MYO7A: variants seen among roughly 807,000 people sequenced by gnomAD.
MYO7A encodes myosin VIIA, also known as unconventional myosin-VIIa.
Under a neutral mutation model 263.8 loss-of-function variants are expected in MYO7A, and 210 were observed. The observed-to-expected ratio is 0.80, with a 90% CI of 0.71 to 0.89. The LOEUF (loss-of-function observed/expected upper bound fraction) is 0.89. Among genes scored for constraint, MYO7A ranks in the 40% least tolerant of loss-of-function variants. The pLI is 0.00. For missense variants in MYO7A, 2,820 were observed against 2,968.3 expected (o/e 0.95, Z 1.16); for synonymous variants, 1,239 against 1,197.3 (o/e 1.03, Z -0.72).
At position 77,155,952 on chromosome 11, in the gene MYO7A, C is replaced by T. The variant is rs1952421852; in HGVS notation, c.331C>T (p.Leu111Phe). The T allele has an allele frequency of 1.2e-6, 2 of 1,612,182 alleles. No individual in the cohort carries two copies. Among genetic ancestry groups the T allele is most frequent in the South Asian group, 1.1e-5 (1 of 90,586 alleles). The change falls in exon 5 of 49, where the codon CTC becomes TTC. Residue 111 changes from leucine to phenylalanine, a missense_variant. Transcript: ENST00000409709. ...ILVAVNPYQL[L>F]SIYSPEHIRQ... ...GGTGGCTGTGAACCCCTACCAGCTG[C>T]TCTCCATCTACTCGCCAGAGCACAT...
chr11:77,200,028 G>A (rs1591461665), intron 35 of MYO7A, among the ~76,000 whole-genome samples: 1 of 152,308 alleles, frequency 6.6e-6, no homozygotes, highest in South Asian at 2.1e-4. Context: ...CAGAGCTTTG[G>A]GAGGCTGAGA....
chr11:77,205,956 C>G (rs944581737), intron 40 of MYO7A, 141 bp from the exon 41 acceptor site: 2 of 724,842 alleles, frequency 2.8e-6, no homozygotes, highest in Non-Finnish European at 4.7e-6. Context: ...GCTCAAGGCT[C>G]TGGGAGACTC....
intron 2 of MYO7A, among the ~76,000 whole-genome samples, chr11:77,134,769 T>C: frequency 6.6e-6 from 1 of 151,274 alleles, no homozygotes; most frequent in East Asian, 1.9e-4. Flanking sequence ...TATAACAACA[T>C]ATACCACTTA....
At position 77,142,784 on chromosome 11, in the gene MYO7A, G is replaced by C. The variant is rs782363121; in HGVS notation, c.94G>C (p.Asp32His). 1 of 1,610,984 alleles carries C rather than the reference G, an allele frequency of 6.2e-7. No homozygotes were observed. Among genetic ancestry groups the C allele is most frequent in the Non-Finnish European group, 8.5e-7 (1 of 1,178,856 alleles). The part of the protein sequence containing the change: ...VPIGAVVKLC[D>H]SGQVQVVDDE... ...CATCGGGGCGGTGGTGAAGCTCTGC[G>C]ACTCTGGGCAGGTCCAGGTGGTGGA... The change falls in exon 3 of 49, where the codon GAC becomes CAC. Residue 32 changes from aspartate to histidine, a missense_variant. By Grantham distance (81) the Asp-to-His change is moderately conservative. Coordinates refer to ENST00000409709, the MANE Select transcript of MYO7A (RefSeq NM_000260.4).
At chr11:77,157,211 A>G in intron 7 of MYO7A, 68 bp from the exon 8 acceptor site, 1 of 1,403,260 alleles carries the variant, frequency 7.1e-7, no homozygotes, top group Non-Finnish European at 9.9e-7. Context: ...CCATCATCCC[A>G]GGCTAGTTCC....
rs761699976 is a variant in MYO7A, at chr11:77,199,814, C to A, written c.4848C>A (p.Asn1616Lys). The change falls in exon 35 of 49, where the codon AAC (asparagine) becomes AAA (lysine). Residue 1616 changes from asparagine to lysine, a missense_variant. Transcript: ENST00000409709. ...KYVVALQDNP[N>K]PAGEESGFLS... ...TTGTGGCCCTGCAGGATAACCCCAA[C>A]CCCGGTGAGTGGCTGCTGGTATGGA... The A allele has an allele frequency of 4.4e-6, 7 of 1,585,928 alleles. No homozygotes were observed. The highest frequency in any genetic ancestry group is 1.1e-5 in the South Asian group (1 of 88,408).
chr11:77,165,038 CA>C (rs2135335103), intron 14 of MYO7A, among the ~76,000 whole-genome samples: 1 of 152,338 alleles, frequency 6.6e-6, no homozygotes, highest in South Asian at 2.1e-4. Flanking sequence ...CTATCCTTCC[CA>C]TCCAACAGTT....
In MYO7A at chr11:77,191,879, G is replaced by A. The variant is rs1008150061; in HGVS notation, c.3925-172G>A. 5.3e-5 allele frequency among the ~76,000 whole-genome samples: 8 copies of A among 152,248 alleles called. No individual in the cohort carries two copies. The South Asian group carries it at 1.4e-3, about 28-fold the overall frequency. The stretch of plus-strand genomic sequence containing the variant: ...TGAGGCTAGGAAGGCAATGGTGGGG[G>A]TGCGGCTTAGAGCCCAGGGCTAGAA... On this transcript the variant is annotated intron_variant, in intron 30 of 48. Coordinates refer to ENST00000409709, the MANE Select transcript of MYO7A (RefSeq NM_000260.4).
Position 77,187,378 on chromosome 11 carries a change from T to C in MYO7A, c.3504-1966T>C, listed in dbSNP as rs76677533. Among the ~76,000 whole-genome samples, 1,366 of 152,308 alleles carry C rather than the reference T, an allele frequency of 9.0e-3. 20 individuals are homozygous for C. The highest frequency in any genetic ancestry group is 0.016 in the Admixed American group (241 of 15,302). On this transcript the variant is annotated intron_variant, in intron 27 of 48. Transcript: ENST00000409709. ...TAAAATGAGGTGTGCCTGCAGTAGCTACCTCATACATAGGCTTGTGGGAAG... is the reference window on the plus strand; with the variant it reads ...TAAAATGAGGTGTGCCTGCAGTAGCCACCTCATACATAGGCTTGTGGGAAG...
rs1283406069 is a variant in MYO7A at position 77,156,785 on chromosome 11, G to T, written c.592+4G>T. ...GAGGCCACCCCCATTCTGGAAGGTA[G>T]GACCAGAGTTCCGAGGGTGGGACCA... On this transcript the variant is annotated splice_donor_region_variant and intron_variant, in intron 6 of 48. Transcript: ENST00000409709. The T allele has an allele frequency of 1.2e-6, 2 of 1,613,874 alleles. No individual in the cohort carries two copies. The highest frequency in any genetic ancestry group is 4.5e-5 in the East Asian group (2 of 44,890).
chr11:77,202,275 G>T, intron 36 of MYO7A, 25 bp from the exon 37 acceptor site: 1 of 1,568,760 alleles, frequency 6.4e-7, no homozygotes. Flanking sequence ...GAGCTGACCT[G>T]AGCCCCCTGT....
At chr11:77,180,746 G>A (rs1555083609) in intron 22 of MYO7A, among the ~76,000 whole-genome samples, 1 of 152,182 alleles carries the variant, frequency 6.6e-6, no homozygotes, top group Non-Finnish European at 1.5e-5. Flanking sequence ...ATAACACCCT[G>A]GTAAAAGCAC....
At chr11:77,184,924 T>C (rs1555087611) in intron 27 of MYO7A, 2 of 837,986 alleles carry the variant, frequency 2.4e-6, no homozygotes, top group East Asian at 5.3e-5. Flanking sequence ...AAAACAGGCA[T>C]CCCTTGGAGA....
At chr11:77,131,907 C>A (rs1950776768) in intron 2 of MYO7A, among the ~76,000 whole-genome samples, 1 of 152,248 alleles carries the variant, frequency 6.6e-6, no homozygotes, top group African/African-American at 2.4e-5. Flanking sequence ...CCAGCCCAGG[C>A]TTTGCTATTG....
rs1951004712 is a variant in MYO7A, at chr11:77,138,436, G to A, written c.19-4273G>A. Among the ~76,000 whole-genome samples the A allele has an allele frequency of 6.6e-6, 1 of 152,216 alleles. No homozygotes were observed. ...CCTGCCGGTGAGGCCCGGGCCAGGA[G>A]GGGAGAAGGGAGGGGGAGGGCGCCT... On this transcript the variant is annotated intron_variant, in intron 2 of 48. Coordinates refer to ENST00000409709, the MANE Select transcript of MYO7A (RefSeq NM_000260.4). The surrounding 1 kb of genome is among the most constrained non-coding windows in gnomAD (Gnocchi z 4.9).
chr11:77,161,878 GC>G (rs1234962501), intron 12 of MYO7A, among the ~76,000 whole-genome samples: 1 of 152,168 alleles, frequency 6.6e-6, no homozygotes, highest in Non-Finnish European at 1.5e-5. Context: ...GTCCTGAAAA[GC>G]CTTAGCTCTC....
chr11:77,206,194 A>G lies in MYO7A; in HGVS notation c.5734A>G (p.Thr1912Ala). Residue 1912 changes from threonine (T) to alanine (A), a missense_variant, in exon 41 of 49, where the codon ACT becomes GCT. Physicochemically the swap from Thr to Ala is moderately conservative, Grantham distance 58 (BLOSUM62 0). Coordinates refer to ENST00000409709, the MANE Select transcript of MYO7A (RefSeq NM_000260.4). The part of the protein sequence containing the change: ...IFHKVYFPDD[T>A]DEAFEVESST... ...CCACAAAGTCTACTTCCCTGATGAC[A>G]CTGACGAGGTGAGGGTCACCGGCTT... 6.2e-7 allele frequency: 1 copy of G among 1,610,876 alleles called. No individual in the cohort carries two copies. The highest frequency in any genetic ancestry group is 1.1e-5 in the South Asian group (1 of 90,614).
chr11:77,159,614 T>C, intron 10 of MYO7A, 91 bp downstream of exon 10: 1 of 1,275,274 alleles, frequency 7.8e-7, no homozygotes, highest in South Asian at 1.3e-5. Context: ...AGGAACCACA[T>C]TGCTGGGACC....
chr11:77,157,893 C>A (rs1199900790), intron 8 of MYO7A, among the ~76,000 whole-genome samples: 1 of 152,202 alleles, frequency 6.6e-6, no homozygotes, highest in African/African-American at 2.4e-5. Context: ...CTGTCTACAC[C>A]AGGCAGTACC....
Sources: allele counts gnomAD v4.1 joint callset (sites outside exome capture counted in the v4.1 genomes callset), GRCh38; gene constraint gnomAD v4.1.1; non-coding constraint Gnocchi (gnomAD v3.1); transcripts MANE v1.5; gene names NCBI Gene and HGNC (gene_info 2026-07-23, HGNC 2026-07-21).